Variants in AP3B1 observed in about 807,000 individuals in gnomAD.
AP3B1 encodes the protein adaptor related protein complex 3 subunit beta 1.
AP3B1 carries 61 observed loss-of-function variants against 132.5 expected under a neutral mutation model. The ratio of observed to expected loss-of-function variants is 0.46; its 90% confidence interval spans 0.37 to 0.57. AP3B1 has a LOEUF of 0.57. Among genes scored for constraint, AP3B1 ranks in the 20% least tolerant of loss-of-function variants. The pLI is 0.00. For missense variants in AP3B1, 1,120 were observed against 1,289.4 expected (o/e 0.87, Z 2.01); for synonymous variants, 388 against 438.3 (o/e 0.89, Z 1.43).
intron 2 of AP3B1, among the ~76,000 whole-genome samples, chr5:78,247,158 T>C (rs1331460552): frequency 6.6e-6 from 1 of 151,500 alleles, no homozygotes; most frequent in Non-Finnish European, 1.5e-5. Context: ...CTGTGTTTAG[T>C]TTAATTCTAT....
rs116337895 is a variant in AP3B1, at chr5:78,116,543, G to A, written c.1969-309C>T. ...GTAATATATCCTAAAATAGGTGAGC[G>A]AAACTAGAAGCAGATACAATAACAG... On this transcript the variant is annotated intron_variant, in intron 17 of 26. Transcript: ENST00000255194. 5.5e-3 allele frequency among the ~76,000 whole-genome samples: 826 copies of A among 151,332 alleles called. 1 individual carries two copies. Among genetic ancestry groups the A allele is most frequent in the Middle Eastern group, 0.014 (4 of 292 alleles).
chr5:78,055,016 G>GACACACACAC (rs3050076), intron 22 of AP3B1, among the ~76,000 whole-genome samples: 4 of 144,644 alleles, frequency 2.8e-5, no homozygotes, highest in African/African-American at 7.7e-5. Flanking sequence ...CAGACCTACA[G>GACACACACAC]ACACACACAC....
intron 22 of AP3B1, among the ~76,000 whole-genome samples, chr5:78,081,916 A>C (rs1176608612): frequency 1.4e-5 from 2 of 138,040 alleles, no homozygotes; most frequent in Non-Finnish European, 2.9e-5. Flanking sequence ...AAAAAAAAAC[A>C]GTTATAATCC....
intron 7 of AP3B1, among the ~76,000 whole-genome samples, chr5:78,205,854 T>TA (rs1049722546): frequency 1.9e-5 from 2 of 104,396 alleles, no homozygotes; most frequent in South Asian, 2.6e-4. Context: ...TTATTTTGTC[T>TA]AAAAAAATTT....
At chr5:78,240,811 C>T (rs531855869) in intron 3 of AP3B1, 51 bp downstream of exon 3, 41 of 1,246,790 alleles carry the variant, frequency 3.3e-5, no homozygotes, top group African/African-American at 2.4e-4. Flanking sequence ...AAAAAGTGTA[C>T]GGTCCCATGA....
Position 78,227,473 on chromosome 5 carries a change from T to C in AP3B1, c.435A>G (p.Pro145=). Residue 145 remains proline (P), a synonymous_variant, in exon 5 of 27, where the codon CCA becomes CCG. Transcript: ENST00000255194. The part of the protein sequence containing the change: ...ALRVLSSIRV[P]IIVPIMMLAI... ...CAAGCATCATGATAGGTACAATAATTGGCACTCTAATACTTGACAGAACTC... is the reference window on the plus strand; with the variant it reads ...CAAGCATCATGATAGGTACAATAATCGGCACTCTAATACTTGACAGAACTC... The C allele has an allele frequency of 6.2e-7, 1 of 1,613,788 alleles. No individual in the cohort carries two copies. Among genetic ancestry groups the C allele is most frequent in the East Asian group, 2.2e-5 (1 of 44,812 alleles).
intron 11 of AP3B1, among the ~76,000 whole-genome samples, chr5:78,165,943 T>C (rs1320574664): frequency 6.6e-6 from 1 of 151,902 alleles, no homozygotes; most frequent in Non-Finnish European, 1.5e-5. Context: ...TGGTGCATGG[T>C]GGTGCATGCC....
chr5:78,239,241 T>C (rs1009349418), intron 3 of AP3B1, among the ~76,000 whole-genome samples: 2 of 151,048 alleles, frequency 1.3e-5, no homozygotes, highest in South Asian at 4.2e-4. Flanking sequence ...GAGGCCAAGG[T>C]TGGCAGATTG....
At chr5:78,072,032 A>C (rs1458770230) in intron 22 of AP3B1, among the ~76,000 whole-genome samples, 1 of 152,226 alleles carries the variant, frequency 6.6e-6, no homozygotes, top group African/African-American at 2.4e-5. Context: ...ATCTTCAGTG[A>C]AAATATGTAA....
At chr5:78,048,255 T>C (rs767935745) in intron 22 of AP3B1, among the ~76,000 whole-genome samples, 1 of 152,224 alleles carries the variant, frequency 6.6e-6, no homozygotes, top group African/African-American at 2.4e-5. Flanking sequence ...CCAATGACAA[T>C]GCAGAATAAG....
At chr5:78,088,031 G>A (rs1750339596) in intron 22 of AP3B1, among the ~76,000 whole-genome samples, 1 of 152,154 alleles carries the variant, frequency 6.6e-6, no homozygotes, top group African/African-American at 2.4e-5. Flanking sequence ...CAAAGCAGGG[G>A]TTTGCACCCT....
chr5:78,022,378 G>A (rs1318432883), intron 24 of AP3B1, among the ~76,000 whole-genome samples: 1 of 152,160 alleles, frequency 6.6e-6, no homozygotes, highest in East Asian at 1.9e-4. Context: ...ACTTCCAAGA[G>A]GAGAAAGAGG....
chr5:78,110,444 TTAA>T (rs1751525461), intron 19 of AP3B1, 90 bp from the exon 20 acceptor site: 3 of 914,828 alleles, frequency 3.3e-6, no homozygotes, highest in East Asian at 5.3e-5. Context: ...CCAGAATACA[TTAA>T]TGAGGTAATA....
intron 22 of AP3B1, among the ~76,000 whole-genome samples, chr5:78,080,100 C>T (rs1237563242): frequency 1.3e-5 from 2 of 152,182 alleles, no homozygotes; most frequent in Non-Finnish European, 2.9e-5. Flanking sequence ...TCTCAGCCTC[C>T]TAGGCTCAAG....
chr5:78,122,087 G>C (rs527782560), intron 17 of AP3B1, among the ~76,000 whole-genome samples: 17 of 152,198 alleles, frequency 1.1e-4, no homozygotes, highest in Non-Finnish European at 2.1e-4. Context: ...CAGAACCAAA[G>C]ACAAAAACCA....
chr5:78,190,930 T>G (rs894775764), intron 7 of AP3B1, among the ~76,000 whole-genome samples: 2 of 152,170 alleles, frequency 1.3e-5, no homozygotes, highest in Non-Finnish European at 2.9e-5. Flanking sequence ...AGAAGTTGCC[T>G]CATACTTGAG....
intron 21 of AP3B1, among the ~76,000 whole-genome samples, chr5:78,094,611 C>A (rs1045855709): frequency 6.6e-6 from 1 of 152,090 alleles, no homozygotes. Flanking sequence ...TCTTTCCCTC[C>A]TCCATAACTT....
intron 24 of AP3B1, among the ~76,000 whole-genome samples, chr5:78,027,933 C>G (rs1178732849): frequency 6.6e-6 from 1 of 152,088 alleles, no homozygotes; most frequent in African/African-American, 2.4e-5. Context: ...CAAGACCAGC[C>G]TGGCCAACAT....
intron 6 of AP3B1, among the ~76,000 whole-genome samples, chr5:78,217,448 G>A (rs1015773631): frequency 6.6e-6 from 1 of 152,050 alleles, no homozygotes. Flanking sequence ...CAGCATGTAT[G>A]CACCTCAATC....
Sources: gnomAD v4.1 joint callset for allele counts (sites outside exome capture counted in the v4.1 genomes callset) on GRCh38, gnomAD v4.1.1 for gene constraint, MANE v1.5 for transcripts, NCBI Gene and HGNC (gene_info 2026-07-23, HGNC 2026-07-21) for gene names.